The following LRRC4C variants were observed in gnomAD, a reference collection of about 807,000 sequenced individuals.
LRRC4C encodes leucine-rich repeat-containing protein 4C.
Under a neutral mutation model 33.6 loss-of-function variants are expected in LRRC4C, and 5 were observed. That is an observed-to-expected ratio of 0.15 (90% confidence interval 0.08 to 0.31). The LOEUF (loss-of-function observed/expected upper bound fraction) is 0.31. Ranked by LOEUF, LRRC4C falls within the 10% of genes least tolerant of loss-of-function variation. LRRC4C has a pLI of 1.00. For missense variants in LRRC4C, 560 were observed against 796.7 expected (o/e 0.70, Z 3.58); for synonymous variants, 329 against 302.0 (o/e 1.09, Z -0.93).
intron 1 of LRRC4C, among the ~76,000 whole-genome samples, chr11:41,377,816 C>T (rs2137853341): frequency 6.6e-6 from 1 of 152,308 alleles, no homozygotes; most frequent in Middle Eastern, 3.4e-3. Flanking sequence ...TGATGCCACT[C>T]AGTCCCTTTA....
chr11:41,111,053 G>C (rs1360444688), intron 1 of LRRC4C, among the ~76,000 whole-genome samples: 1 of 151,948 alleles, frequency 6.6e-6, no homozygotes, highest in Admixed American at 6.6e-5. Context: ...CACTGTGCTG[G>C]GCATTATACT....
chr11:41,290,678 G>A (rs1949966823), intron 1 of LRRC4C, among the ~76,000 whole-genome samples: 1 of 152,074 alleles, frequency 6.6e-6, no homozygotes, highest in East Asian at 1.9e-4. Context: ...TATGTTTAAT[G>A]AGACTTAAAA....
intron 4 of LRRC4C, among the ~76,000 whole-genome samples, chr11:40,274,424 T>TAC (rs56027023): frequency 0.13 from 17,649 of 138,752 alleles, 1,134 homozygotes; most frequent in African/African-American, 0.15. Flanking sequence ...GACACACACA[T>TAC]ACACACACAC....
chr11:40,397,913 A>G (rs2137515621), intron 3 of LRRC4C, among the ~76,000 whole-genome samples: 1 of 152,216 alleles, frequency 6.6e-6, no homozygotes, highest in South Asian at 2.1e-4. Flanking sequence ...CTAGAAGTCA[A>G]TTTGTAATTT....
chr11:40,306,760 G>A (rs1945051825), intron 4 of LRRC4C, among the ~76,000 whole-genome samples: 1 of 152,152 alleles, frequency 6.6e-6, no homozygotes, highest in Non-Finnish European at 1.5e-5. Flanking sequence ...CACGTTCAGA[G>A]ACTCTCATTA....
chr11:40,333,820 G>T (rs1946474547), intron 3 of LRRC4C, among the ~76,000 whole-genome samples: 1 of 151,392 alleles, frequency 6.6e-6, no homozygotes, highest in Admixed American at 6.6e-5. Context: ...TCAGATGAGT[G>T]ACTTCAATTG....
At chr11:40,890,970 T>C (rs1055530931) in intron 2 of LRRC4C, among the ~76,000 whole-genome samples, 1 of 152,042 alleles carries the variant, frequency 6.6e-6, no homozygotes, top group African/African-American at 2.4e-5. Flanking sequence ...AGGTTGGGCA[T>C]GGTGGCTCAC....
chr11:41,005,795 A>G (rs1338483860), intron 1 of LRRC4C, among the ~76,000 whole-genome samples: 2 of 152,192 alleles, frequency 1.3e-5, no homozygotes, highest in Non-Finnish European at 2.9e-5. Context: ...CTAGCCAAAT[A>G]AACTTTTTAA....
chr11:40,285,831 T>G (rs1943797396), intron 4 of LRRC4C, among the ~76,000 whole-genome samples: 1 of 152,190 alleles, frequency 6.6e-6, no homozygotes, highest in East Asian at 1.9e-4. Flanking sequence ...TCAACAAGTT[T>G]GACTTTACTG....
rs893336064 is a variant in LRRC4C at position 40,926,287 on chromosome 11, C to T, written c.-407+7348G>A. ...CGTGCTCCATGTTGTACATGATGTC[C>T]TCCTCCCTAATTTGTGCTCAGTAGA... On this transcript the variant is annotated intron_variant, in intron 2 of 6. Coordinates refer to ENST00000528697, the MANE Select transcript of LRRC4C (RefSeq NM_001258419.2). 2.0e-5 allele frequency among the ~76,000 whole-genome samples: 3 copies of T among 152,066 alleles called. 1 individual carries two copies. In the East Asian group the frequency reaches 5.8e-4, roughly 29 times the overall value.
chr11:41,357,343 C>A (rs938187391), intron 1 of LRRC4C, among the ~76,000 whole-genome samples: 1 of 151,954 alleles, frequency 6.6e-6, no homozygotes, highest in South Asian at 2.1e-4. Context: ...GTGGTAAAGA[C>A]GAAAATCTAA....
At chr11:40,811,923 G>T (rs1591785133) in intron 2 of LRRC4C, among the ~76,000 whole-genome samples, 1 of 152,154 alleles carries the variant, frequency 6.6e-6, no homozygotes, top group Admixed American at 6.6e-5. Context: ...CTGCCAGGAT[G>T]CCAAGAAGAT....
intron 1 of LRRC4C, among the ~76,000 whole-genome samples, chr11:41,311,720 C>A (rs950752890): frequency 2.0e-5 from 3 of 152,116 alleles, no homozygotes; most frequent in East Asian, 1.9e-4. Context: ...TAGAATAAGT[C>A]ATTTACTAAA....
intron 2 of LRRC4C, among the ~76,000 whole-genome samples, chr11:40,679,622 T>G (rs1944576584): frequency 6.6e-6 from 1 of 152,166 alleles, no homozygotes; most frequent in African/African-American, 2.4e-5. Flanking sequence ...CTTGGGCTGT[T>G]GCTTTAGAAG....
chr11:40,366,215 A>G (rs80071650), intron 3 of LRRC4C, among the ~76,000 whole-genome samples: 2,196 of 152,224 alleles, frequency 0.014, 47 homozygotes, highest in African/African-American at 0.049. Flanking sequence ...AACCAGTATA[A>G]CATATGCTTT....
chr11:40,273,813 G>C lies in LRRC4C; in HGVS notation c.-175-32215C>G, dbSNP rs139825509. Among the ~76,000 whole-genome samples, 213 of 152,276 alleles carry C rather than the reference G, an allele frequency of 1.4e-3. 2 individuals are homozygous for C. Among genetic ancestry groups the C allele is most frequent in the African/African-American group, 4.9e-3 (205 of 41,562 alleles). ...AAACAAGATATGATTATTGGAAACA[G>C]AAATGAAAATAGATATGACTTTTGC... On this transcript the variant is annotated intron_variant, in intron 4 of 6. Coordinates refer to ENST00000528697, the MANE Select transcript of LRRC4C (RefSeq NM_001258419.2).
At chr11:41,081,947 C>G (rs1939604040) in intron 1 of LRRC4C, among the ~76,000 whole-genome samples, 1 of 152,102 alleles carries the variant, frequency 6.6e-6, no homozygotes, top group African/African-American at 2.4e-5. Flanking sequence ...GTCGGGGTCT[C>G]CCTATGGGCA....
intron 3 of LRRC4C, among the ~76,000 whole-genome samples, chr11:40,440,835 T>G (rs553175526): frequency 1.3e-5 from 2 of 150,990 alleles, no homozygotes; most frequent in Non-Finnish European, 2.9e-5. Flanking sequence ...GCTCATTTTG[T>G]GCACAGCTGC....
intron 5 of LRRC4C, among the ~76,000 whole-genome samples, chr11:40,198,090 A>G (rs1217457066): frequency 6.6e-6 from 1 of 152,176 alleles, no homozygotes; most frequent in African/African-American, 2.4e-5. Flanking sequence ...AGATGGGGTG[A>G]GAGCCAGGAA....
Sources: gnomAD v4.1 joint callset for allele counts (sites outside exome capture counted in the v4.1 genomes callset) on GRCh38, gnomAD v4.1.1 for gene constraint, MANE v1.5 for transcripts, NCBI Gene and HGNC (gene_info 2026-07-23, HGNC 2026-07-21) for gene names.